The following XPO1 variants were observed in gnomAD, a reference collection of about 807,000 sequenced individuals.
XPO1 encodes exportin 1, also known as exportin-1.
XPO1 carries 5 observed loss-of-function variants against 133.3 expected under a neutral mutation model. That is an observed-to-expected ratio of 0.04 (90% confidence interval 0.02 to 0.08). The LOEUF is 0.08. Among genes scored for constraint, XPO1 ranks in the 10% least tolerant of loss-of-function variants. The pLI, the probability that XPO1 is intolerant of heterozygous loss-of-function variation, is 1.00. For synonymous variants in XPO1, 419 were observed against 408.2 expected (o/e 1.03, Z -0.32); for missense variants, 506 against 1,267.5 (o/e 0.40, Z 9.12).
Position 61,478,677 on chromosome 2 carries a change from T to C in XPO1, c.*143A>G. ...GGAAGGATATTTCACAGAAAATTTC[T>C]TATACAAAAAAACACATAAGAAAAA... On this transcript the variant is annotated 3_prime_UTR_variant, in exon 25 of 25. Coordinates refer to ENST00000401558, the MANE Select transcript of XPO1 (RefSeq NM_003400.4). 1.3e-6 allele frequency: 1 copy of C among 770,026 alleles called. No homozygotes were observed. 47.7% of individuals were successfully genotyped at this position (770,026 alleles called of 1,614,324 possible). A position where few individuals can be genotyped will look rare whatever the true frequency, so the allele number is the denominator to read the frequency against.
chr2:61,504,237 A>G (rs1258643479), intron 4 of XPO1, among the ~76,000 whole-genome samples: 5 of 152,222 alleles, frequency 3.3e-5, no homozygotes, highest in Non-Finnish European at 5.9e-5. Context: ...TTAAACAGTT[A>G]AGACATGATA....
rs76511385 is a variant in XPO1 at position 61,507,417 on chromosome 2, T to C, written c.302-5107A>G. On this transcript the variant is annotated intron_variant, in intron 4 of 24. Coordinates refer to ENST00000401558, the MANE Select transcript of XPO1 (RefSeq NM_003400.4). ...AGCAAGGCCCCATTTCCACAAAAAA[T>C]AAAAAAATTAGCTAGGCACAGTCGT... Among the ~76,000 whole-genome samples, 1,269 of 151,472 alleles carry C rather than the reference T, an allele frequency of 8.4e-3. 10 individuals carry two copies. Among genetic ancestry groups the C allele is most frequent in the Non-Finnish European group, 0.012 (818 of 67,862 alleles).
chr2:61,480,304 A>C (rs1326118729), intron 24 of XPO1: 5 of 92,556 alleles, frequency 5.4e-5, no homozygotes, highest in Non-Finnish European at 1.1e-4. Context: ...TTTGAGATGA[A>C]GTTTCACTCT....
chr2:61,536,242 T>TC (rs1194246544), intron 1 of XPO1: 1 of 152,226 alleles, frequency 6.6e-6, no homozygotes, highest in African/African-American at 2.4e-5. Flanking sequence ...GGCGGCTTTG[T>TC]GGTCAATGCC....
In XPO1 at chr2:61,495,506, T is replaced by G; in HGVS notation, c.996A>C (p.Glu332Asp). ...ATCTTTTTTCTATAAGTTGATCATG[T>G]TCCTTAAGAAAGGTGCAGAGAAACA... is the stretch of plus-strand genomic sequence containing the variant. ...LSLFLCTFLK[E>D]HDQLIEKRLN... Residue 332 changes from glutamate (E) to aspartate (D), a missense_variant, in exon 11 of 25, where the codon GAA (glutamate) becomes GAC (aspartate). Physicochemically the swap from Glu to Asp is conservative, Grantham distance 45. This residue lies in a region of XPO1 where 134 missense variants were observed against 261.6 expected (regional missense o/e 0.51). Transcript: ENST00000401558. 6.3e-7 allele frequency: 1 copy of G among 1,586,152 alleles called. No individual in the cohort carries two copies. The highest frequency in any genetic ancestry group is 8.6e-7 in the Non-Finnish European group (1 of 1,162,434).
intron 7 of XPO1, among the ~76,000 whole-genome samples, chr2:61,499,376 G>A (rs989822795): frequency 5.3e-5 from 8 of 152,112 alleles, no homozygotes; most frequent in South Asian, 2.1e-4. Flanking sequence ...TTGCGCTGCT[G>A]CACTCCACCC....
chr2:61,494,377 G>T (rs939461992), intron 11 of XPO1: 3 of 290,056 alleles, frequency 1.0e-5, no homozygotes, highest in Non-Finnish European at 2.0e-5. Context: ...GCCAATAAGT[G>T]GTATCACAAC....
chr2:61,534,165 C>G (rs984996967), intron 1 of XPO1: 2 of 280,646 alleles, frequency 7.1e-6, no homozygotes, highest in African/African-American at 2.2e-5. Flanking sequence ...TCCTATTCTA[C>G]TAACATTTAT....
chr2:61,520,666 C>T (rs1180286854), intron 4 of XPO1, among the ~76,000 whole-genome samples: 1 of 151,996 alleles, frequency 6.6e-6, no homozygotes, highest in Non-Finnish European at 1.5e-5. Flanking sequence ...AAGAAAGAAA[C>T]AAAAATTTTT....
At chr2:61,504,144 T>TA (rs1009113835) in intron 4 of XPO1, among the ~76,000 whole-genome samples, 65 of 152,104 alleles carry the variant, frequency 4.3e-4, no homozygotes, top group Middle Eastern at 3.4e-3. Context: ...CACACAATGT[T>TA]AAAAAAAAGA....
chr2:61,489,302 A>C (rs1258146542), intron 17 of XPO1, among the ~76,000 whole-genome samples: 1 of 149,820 alleles, frequency 6.7e-6, no homozygotes, highest in African/African-American at 2.5e-5. Flanking sequence ...AATCCCAGCC[A>C]CTTGGGAGGC....
At chr2:61,522,359 A>G (rs1287539496) in intron 4 of XPO1, among the ~76,000 whole-genome samples, 3 of 152,202 alleles carry the variant, frequency 2.0e-5, no homozygotes, top group Admixed American at 2.0e-4. Context: ...GCCATAGCCC[A>G]TATTTTTAAC....
chr2:61,493,083 A>G, intron 12 of XPO1, 30 bp from the exon 13 acceptor site: 1 of 1,539,632 alleles, frequency 6.5e-7, no homozygotes, highest in Non-Finnish European at 8.7e-7. Flanking sequence ...AATCAAGAAA[A>G]AAATCGTTAG....
rs764354011 is a variant in XPO1, at chr2:61,488,788, C to G, written c.2023-17G>C. On this transcript the variant is annotated splice_polypyrimidine_tract_variant and intron_variant, in intron 17 of 24. Coordinates refer to ENST00000401558, the MANE Select transcript of XPO1 (RefSeq NM_003400.4). ...ATCCACATTCTTGGAGGAAAAAAAG[C>G]AAATTCCATTTATCATATAAGAATT... 1 of 1,610,572 alleles carries G rather than the reference C, an allele frequency of 6.2e-7. No homozygotes were observed. Among genetic ancestry groups the G allele is most frequent in the Non-Finnish European group, 8.5e-7 (1 of 1,178,444 alleles).
In XPO1 at chr2:61,522,630, A is replaced by G; in HGVS notation, c.282T>C (p.Leu94=). ...TCCTACCTTCGCACTGGTTCCTTGG[A>G]AGAATCTTCCACCTTGTTTTTATCA... The part of the protein sequence containing the change: ...ENVIKTRWKI[L]PRNQCEGIKK... The change falls in exon 4 of 25, where the codon CTT becomes CTC. Residue 94 remains leucine, a synonymous_variant. Transcript: ENST00000401558. 1 of 1,613,930 alleles carries G rather than the reference A, an allele frequency of 6.2e-7. No homozygotes were observed. The highest frequency in any genetic ancestry group is 8.5e-7 in the Non-Finnish European group (1 of 1,179,888).
intron 4 of XPO1, among the ~76,000 whole-genome samples, chr2:61,516,998 G>A (rs1384981080): frequency 6.6e-6 from 1 of 151,988 alleles, no homozygotes; most frequent in Non-Finnish European, 1.5e-5. Flanking sequence ...CCACCTCCCA[G>A]GTTCAACCGA....
chr2:61,502,551 G>T, intron 4 of XPO1: 1 of 370,462 alleles, frequency 2.7e-6, no homozygotes, highest in Non-Finnish European at 4.9e-6. Flanking sequence ...CCAGGAATTC[G>T]AGACCAGCAT....
intron 2 of XPO1, among the ~76,000 whole-genome samples, chr2:61,530,841 ATT>A (rs915931866): frequency 6.6e-6 from 1 of 152,018 alleles, no homozygotes; most frequent in South Asian, 2.1e-4. Flanking sequence ...CAAAAAAAAA[ATT>A]TTTTTAATTT....
At chr2:61,524,121 A>T (rs762080382) in intron 3 of XPO1, among the ~76,000 whole-genome samples, 40 of 152,188 alleles carry the variant, frequency 2.6e-4, no homozygotes, top group Non-Finnish European at 7.4e-5. Flanking sequence ...TACTACCCTA[A>T]GCATTTTCTT....
Sources: gnomAD v4.1 joint callset for allele counts (sites outside exome capture counted in the v4.1 genomes callset) on GRCh38, gnomAD v4.1.1 for gene constraint, gnomAD v4.1.1 regional missense constraint, MANE v1.5 for transcripts, NCBI Gene and HGNC (gene_info 2026-07-23, HGNC 2026-07-21) for gene names.